Variants in ZCCHC2 observed in about 807,000 individuals in gnomAD.
ZCCHC2 encodes zinc finger CCHC-type containing 2, also known as zinc finger CCHC domain-containing protein 2.
ZCCHC2 carries 39 observed loss-of-function variants against 103.6 expected under a neutral mutation model. The ratio of observed to expected loss-of-function variants is 0.38; its 90% CI spans 0.29 to 0.49. ZCCHC2 has a LOEUF of 0.49. Ranked by LOEUF, ZCCHC2 falls within the 20% of genes least tolerant of loss-of-function variation. The pLI is 0.96. For missense variants in ZCCHC2, 1,483 were observed against 1,491.0 expected (o/e 0.99, Z 0.09); for synonymous variants, 687 against 608.9 (o/e 1.13, Z -1.89).
At position 62,574,979 on chromosome 18, in the gene ZCCHC2, A is replaced by G. The variant is rs1389931028; in HGVS notation, c.2898A>G (p.Pro966=). 3 of 1,613,874 alleles carry G rather than the reference A, an allele frequency of 1.9e-6. No homozygotes were observed. In the East Asian group the frequency reaches 6.7e-5, roughly 36 times the overall value. Residue 966 remains proline, a synonymous_variant, in exon 13 of 14, where the codon CCA becomes CCG. Transcript: ENST00000269499. The part of the protein sequence containing the change: ...TVPPAVPTHT[P]GPAPSPSPAL... ...CTCCTGCAGTTCCTACCCACACCCC[A>G]GGCCCTGCCCCGAGCCCAAGCCCTG...
intron 11 of ZCCHC2, 71 bp downstream of exon 11, chr18:62,565,167 A>G: frequency 8.4e-7 from 1 of 1,189,030 alleles, no homozygotes; most frequent in East Asian, 2.4e-5. Context: ...CTGTATTAAT[A>G]GATACTGAGC....
chr18:62,534,012 G>A (rs961173153), intron 1 of ZCCHC2, among the ~76,000 whole-genome samples: 5 of 152,046 alleles, frequency 3.3e-5, no homozygotes, highest in African/African-American at 1.2e-4. Context: ...AAGAGGAATT[G>A]TTTCTTTATA....
At chr18:62,583,300 C>G (rs1917083622), downstream of ZCCHC2, among the ~76,000 whole-genome samples, 1 of 151,656 alleles carries the variant, frequency 6.6e-6, no homozygotes, top group South Asian at 2.1e-4. Flanking sequence ...GGAAAGCTTG[C>G]CAGTTAATGG....
chr18:62,525,059 CTTT>C (rs71893506), intron 1 of ZCCHC2: 30,850 of 152,050 alleles, frequency 0.2, 3,573 homozygotes, highest in Non-Finnish European at 0.27. Flanking sequence ...GGAGAGAAAC[CTTT>C]TCTAGCGCGG....
chr18:62,551,774 G>T (rs563560159), intron 5 of ZCCHC2: 339 of 153,048 alleles, frequency 2.2e-3, no homozygotes, highest in Non-Finnish European at 3.9e-3. Flanking sequence ...GAAACATGCT[G>T]TTTTACTGGA....
intron 1 of ZCCHC2, among the ~76,000 whole-genome samples, chr18:62,532,182 T>C (rs1332609173): frequency 6.6e-6 from 1 of 152,244 alleles, no homozygotes; most frequent in Non-Finnish European, 1.5e-5. Flanking sequence ...ACTGTCACTC[T>C]AATGTGAATC....
rs574841597 is a variant in ZCCHC2 at position 62,574,707 on chromosome 18, G to C, written c.2626G>C (p.Val876Leu). Residue 876 changes from valine (V) to leucine (L), a missense_variant, in exon 13 of 14, where the codon GTA (valine) becomes CTA (leucine). By Grantham distance (32) the Val-to-Leu change is conservative. Coordinates refer to ENST00000269499, the MANE Select transcript of ZCCHC2 (RefSeq NM_017742.6). ...CATCACAAAATCTGCATCCCAAGTG[G>C]TAGGACTCAATCAAATGGTGCCTCA... ...DPITKSASQV[V>L]GLNQMVPQIE... 1.2e-5 allele frequency: 20 copies of C among 1,613,974 alleles called. No individual in the cohort carries two copies. The South Asian group carries it at 2.0e-4, about 16-fold the overall frequency.
intron 9 of ZCCHC2, among the ~76,000 whole-genome samples, chr18:62,564,004 C>G (rs28393097): frequency 0.017 from 2,552 of 152,282 alleles, 80 homozygotes; most frequent in African/African-American, 0.058. Context: ...AATGAAACTT[C>G]TCTCTAGAAA....
At chr18:62,569,043 C>T (rs145112265) in intron 11 of ZCCHC2, among the ~76,000 whole-genome samples, 21 of 152,324 alleles carry the variant, frequency 1.4e-4, no homozygotes, top group African/African-American at 5.1e-4. Context: ...CTTCTAGCCT[C>T]ATAAGATTTT....
At chr18:62,549,357 T>C (rs758827730) in intron 4 of ZCCHC2, among the ~76,000 whole-genome samples, 69 of 152,260 alleles carry the variant, frequency 4.5e-4, no homozygotes, top group Non-Finnish European at 9.3e-4. Flanking sequence ...GATCTTGCAA[T>C]CTACTGTACC....
In ZCCHC2 at chr18:62,523,657, G is replaced by C; in HGVS notation, c.233G>C (p.Gly78Ala). 1 of 1,312,296 alleles carries C rather than the reference G, an allele frequency of 7.6e-7. No homozygotes were observed. The allele number at this position is 1,312,296 out of a possible 1,614,324, so 81.3% of individuals were successfully genotyped here. Residue 78 changes from glycine (G) to alanine (A), a missense_variant, in exon 1 of 14, where the codon GGG becomes GCG. Gly to Ala is a moderately conservative substitution (Grantham distance 60, BLOSUM62 0). Transcript: ENST00000269499. Reference protein sequence around the residue: ...GPPVAGGAAAGAGMPGGGGGP... With the variant: ...GPPVAGGAAAAAGMPGGGGGP... ...CCTGTTGCTGGTGGAGCGGCGGCGG[G>C]GGCGGGTATGCCGGGCGGCGGCGGG...
intron 11 of ZCCHC2, among the ~76,000 whole-genome samples, chr18:62,569,323 T>A (rs1444454463): frequency 6.6e-6 from 1 of 152,224 alleles, no homozygotes. Flanking sequence ...TTTTACTGGT[T>A]CTACCAGTTG....
At position 62,541,251 on chromosome 18, in the gene ZCCHC2, G is replaced by A. The variant is rs150335214; in HGVS notation, c.1052-1247G>A. Reference sequence around the variant, plus strand: ...TTTCCATCCTCAACATTTCTGGCCCGCAAAGGGGAAACTGGCCCACAAGCA... The same window carrying A: ...TTTCCATCCTCAACATTTCTGGCCCACAAAGGGGAAACTGGCCCACAAGCA... On this transcript the variant is annotated intron_variant, in intron 2 of 13. Coordinates refer to ENST00000269499, the MANE Select transcript of ZCCHC2 (RefSeq NM_017742.6). Among the ~76,000 whole-genome samples, 1,501 of 152,164 alleles carry A rather than the reference G, an allele frequency of 9.9e-3. 12 individuals are homozygous for A. Among genetic ancestry groups the A allele is most frequent in the Middle Eastern group, 0.034 (10 of 294 alleles).
intron 2 of ZCCHC2, among the ~76,000 whole-genome samples, chr18:62,541,560 C>G (rs1480914872): frequency 6.2e-5 from 3 of 48,146 alleles, no homozygotes; most frequent in Non-Finnish European, 9.4e-5. Flanking sequence ...CAGTGTACCC[C>G]CCACACCCAT....
At chr18:62,549,021 C>A (rs751294429) in intron 4 of ZCCHC2, among the ~76,000 whole-genome samples, 7 of 151,670 alleles carry the variant, frequency 4.6e-5, no homozygotes, top group Non-Finnish European at 1.0e-4. Flanking sequence ...AGATTGAGAC[C>A]ATCCTGACTA....
At chr18:62,564,168 T>G (rs1023927827) in intron 9 of ZCCHC2, among the ~76,000 whole-genome samples, 1 of 152,224 alleles carries the variant, frequency 6.6e-6, no homozygotes, top group African/African-American at 2.4e-5. Context: ...CCGTCTGAGT[T>G]TACTTTCCCT....
At position 62,523,354 on chromosome 18, in the gene ZCCHC2, T is replaced by A; in HGVS notation, c.-71T>A. On this transcript the variant is annotated 5_prime_UTR_variant, in exon 1 of 14. Coordinates refer to ENST00000269499, the MANE Select transcript of ZCCHC2 (RefSeq NM_017742.6). ...CGCTCCTGACGGCCGCGCCGCCGCC[T>A]CGGCCCGTGCTCCACCTCGCGGCCC... 1.0e-6 allele frequency: 1 copy of A among 980,066 alleles called. No individual in the cohort carries two copies. Among genetic ancestry groups the A allele is most frequent in the Non-Finnish European group, 1.2e-6 (1 of 830,714 alleles). The allele number at this position is 980,066 out of a possible 1,614,324, so 60.7% of individuals were successfully genotyped here.
intron 1 of ZCCHC2, 117 bp downstream of exon 1, chr18:62,524,480 T>C (rs1271321094): frequency 2.2e-6 from 3 of 1,376,726 alleles, no homozygotes; most frequent in African/African-American, 3.1e-5. Flanking sequence ...TGGCTCGGAA[T>C]CCCCACCCGG....
chr18:62,528,398 G>A (rs1181152633), intron 1 of ZCCHC2, among the ~76,000 whole-genome samples: 2 of 152,100 alleles, frequency 1.3e-5, no homozygotes, highest in Non-Finnish European at 1.5e-5. Context: ...TTCGAGACCA[G>A]CCTGGCCAGT....
Sources: allele counts gnomAD v4.1 joint callset (sites outside exome capture counted in the v4.1 genomes callset), GRCh38; gene constraint gnomAD v4.1.1; transcripts MANE v1.5; gene names NCBI Gene and HGNC (gene_info 2026-07-23, HGNC 2026-07-21).